The following GRK4 variants were observed in gnomAD, a reference collection of about 807,000 sequenced individuals.
GRK4 encodes G protein-coupled receptor kinase 2-like.
GRK4 carries 73 observed loss-of-function variants against 77.9 expected under a neutral mutation model. That is an observed-to-expected ratio of 0.94 (90% CI 0.78 to 1.14). GRK4 has a LOEUF of 1.14. Ranked by LOEUF, GRK4 falls within the 50% of genes most tolerant of loss-of-function variation. GRK4 has a pLI of 0.00. For synonymous variants in GRK4, 257 were observed against 254.4 expected, an observed-to-expected ratio of 1.01 and a Z score of -0.10; for missense variants, 729 against 700.2, an observed-to-expected ratio of 1.04 and a Z score of -0.46.
chr4:2,997,359 T>C (rs1394463398), intron 4 of GRK4, among the ~76,000 whole-genome samples: 3 of 152,162 alleles, frequency 2.0e-5, no homozygotes, highest in Non-Finnish European at 4.4e-5. Context: ...ATAGAAAAAG[T>C]ATTTGATAAA....
At chr4:2,992,432 C>T in intron 4 of GRK4, 140 bp downstream of exon 4, 1 of 558,346 alleles carries the variant, frequency 1.8e-6, no homozygotes, top group Non-Finnish European at 3.2e-6. Flanking sequence ...GTAATCCCAG[C>T]ACTTCGGGAG....
Position 3,013,835 on chromosome 4 carries a change from G to A in GRK4, c.741+7G>A. The A allele has an allele frequency of 6.2e-7, 1 of 1,605,052 alleles. No individual in the cohort carries two copies. Among genetic ancestry groups the A allele is most frequent in the Non-Finnish European group, 8.5e-7 (1 of 1,177,056 alleles). ...AGTGCAAAGTAGATTCGTAGTAAGTGTCTCCTCTTAGTCTTCACTGTGCAT... is the reference window on the plus strand; with the variant it reads ...AGTGCAAAGTAGATTCGTAGTAAGTATCTCCTCTTAGTCTTCACTGTGCAT... On this transcript the variant is annotated splice_region_variant and intron_variant, in intron 8 of 15. Coordinates refer to ENST00000398052, the MANE Select transcript of GRK4 (RefSeq NM_182982.3).
intron 1 of GRK4, among the ~76,000 whole-genome samples, chr4:2,973,140 G>A (rs555703598): frequency 6.6e-6 from 1 of 152,242 alleles, no homozygotes; most frequent in Non-Finnish European, 1.5e-5. Context: ...CCAGGCATCA[G>A]TTCTTGGTCC....
At chr4:2,984,749 G>A (rs894550886) in intron 2 of GRK4, 141 bp downstream of exon 2, 1 of 412,586 alleles carries the variant, frequency 2.4e-6, no homozygotes, top group Non-Finnish European at 4.4e-6. Flanking sequence ...TTCCTCTCAG[G>A]AAAAAAAATC....
chr4:3,036,652 C>T (rs913541804), intron 13 of GRK4, among the ~76,000 whole-genome samples: 1 of 152,232 alleles, frequency 6.6e-6, no homozygotes, highest in African/African-American at 2.4e-5. Context: ...TGACCCTCTG[C>T]CTCTGAGGAC....
At chr4:2,988,627 G>T in intron 2 of GRK4, 100 bp from the exon 3 acceptor site, 1 of 666,556 alleles carries the variant, frequency 1.5e-6, no homozygotes, top group Non-Finnish European at 2.7e-6. Context: ...TACTGTTCTT[G>T]ACTTTTACTG....
At chr4:2,979,321 C>T (rs1299223694) in intron 1 of GRK4, among the ~76,000 whole-genome samples, 2 of 148,616 alleles carry the variant, frequency 1.3e-5, no homozygotes, top group Non-Finnish European at 3.0e-5. Context: ...GGAGAATCAC[C>T]TGAACCCAGG....
chr4:3,004,288 C>A lies in GRK4; in HGVS notation c.397C>A (p.Leu133Met), dbSNP rs1730670416. 1 of 1,613,678 alleles carries A rather than the reference C, an allele frequency of 6.2e-7. No homozygotes were observed. The highest frequency in any genetic ancestry group is 1.3e-5 in the African/African-American group (1 of 74,898). Reference protein sequence around the residue: ...PDVVTECRLGLKEENPSKKAF... With the variant: ...PDVVTECRLGMKEENPSKKAF... ...TGTTGTGACAGAATGTAGATTGGGA[C>A]TGAAGGAGGAGAACCCTTCCAAAAA... is the stretch of plus-strand genomic sequence containing the variant. The change falls in exon 5 of 16, where the codon CTG (leucine) becomes ATG (methionine). Residue 133 changes from leucine (L) to methionine (M), a missense_variant. Transcript: ENST00000398052.
rs202029746 is a variant in GRK4, at chr4:2,984,622, G to T, written c.148+14G>T. ...GACATTCCATTGGTGAGTAAATAGT[G>T]CCTACTAATGCTTGGATGGTACATC... On this transcript the variant is annotated intron_variant, in intron 2 of 15. Transcript: ENST00000398052. 5 of 1,402,290 alleles carry T rather than the reference G, an allele frequency of 3.6e-6. No homozygotes were observed. The East Asian group carries it at 9.4e-5, about 26-fold the overall frequency. The allele number at this position is 1,402,290 out of a possible 1,614,324, so 86.9% of individuals were successfully genotyped here.
At chr4:3,007,159 G>A (rs1418831943) in intron 5 of GRK4, among the ~76,000 whole-genome samples, 1 of 152,010 alleles carries the variant, frequency 6.6e-6, no homozygotes, top group Non-Finnish European at 1.5e-5. Flanking sequence ...CCATGATTGT[G>A]CCATTGCACT....
intron 1 of GRK4, among the ~76,000 whole-genome samples, chr4:2,977,529 G>C (rs1349358103): frequency 1.3e-5 from 2 of 152,176 alleles, no homozygotes; most frequent in Admixed American, 1.3e-4. Flanking sequence ...TAAAATCTCT[G>C]TTGTTTGTGG....
At chr4:3,019,501 A>G (rs1431166984) in intron 8 of GRK4, 140 bp from the exon 9 acceptor site, 1 of 757,708 alleles carries the variant, frequency 1.3e-6, no homozygotes, top group Admixed American at 2.8e-5. Flanking sequence ...TATGTCCTGT[A>G]CATTTCTCTG....
intron 13 of GRK4, 68 bp from the exon 14 acceptor site, chr4:3,037,306 C>T (rs879850984): frequency 6.8e-7 from 1 of 1,466,728 alleles, no homozygotes; most frequent in South Asian, 1.4e-5. Flanking sequence ...GCGTTTCATT[C>T]TTGGGAACTG....
rs79252276 is a variant in GRK4 at position 2,965,406 on chromosome 4, G to A, written c.52+1284G>A. 8.5e-3 allele frequency: 5,976 copies of A among 703,054 alleles called. 36 individuals are homozygous for A. The highest frequency in any genetic ancestry group is 0.016 in the Middle Eastern group (71 of 4,370). 43.6% of individuals were successfully genotyped at this position (703,054 alleles called of 1,614,324 possible). A position where few individuals can be genotyped will look rare whatever the true frequency, so the allele number is the denominator to read the frequency against. ...GACCTCAAGTCCCTGTGCTAGCCAC[G>A]GTAGTTCTTCACACCCCGTCACTCT... On this transcript the variant is annotated intron_variant, in intron 1 of 15. Coordinates refer to ENST00000398052, the MANE Select transcript of GRK4 (RefSeq NM_182982.3).
chr4:2,996,178 G>A (rs2109732632), intron 4 of GRK4, among the ~76,000 whole-genome samples: 1 of 152,264 alleles, frequency 6.6e-6, no homozygotes, highest in African/African-American at 2.4e-5. Flanking sequence ...ACATGTCTGA[G>A]CATGTGGACA....
rs1716383213 is a variant in GRK4, at chr4:2,963,576, G to T, written c.-495G>T. 6.4e-6 allele frequency: 3 copies of T among 465,686 alleles called. No individual in the cohort carries two copies. Among genetic ancestry groups the T allele is most frequent in the South Asian group, 8.2e-5 (2 of 24,262 alleles). 28.8% of individuals were successfully genotyped at this position (465,686 alleles called of 1,614,324 possible). On this transcript the variant is annotated 5_prime_UTR_variant, in exon 1 of 16. Coordinates refer to ENST00000398052, the MANE Select transcript of GRK4 (RefSeq NM_182982.3). ...CGCAGGGCCTTCTGGGAGCTGTAGTGCCCCGGCCGCGGCGGCGAGGGGCGC... is the reference window on the plus strand; with the variant it reads ...CGCAGGGCCTTCTGGGAGCTGTAGTTCCCCGGCCGCGGCGGCGAGGGGCGC...
At chr4:2,981,961 C>T (rs1313100457) in intron 1 of GRK4, among the ~76,000 whole-genome samples, 1 of 152,254 alleles carries the variant, frequency 6.6e-6, no homozygotes, top group African/African-American at 2.4e-5. Context: ...CAGCACCGCC[C>T]CTATCGTGCA....
Position 3,004,230 on chromosome 4 carries a change from G to C in GRK4, c.340-1G>C. On this transcript the variant is annotated splice_acceptor_variant, in intron 4 of 15. Coordinates refer to ENST00000398052, the MANE Select transcript of GRK4 (RefSeq NM_182982.3). LOFTEE classifies it high-confidence loss of function. The stretch of plus-strand genomic sequence containing the variant: ...ATGTATTTGGTTTGTACTGTATTAA[G>C]TTGGCAGCCCCTTTACCAGAAATAC... 1.2e-6 allele frequency: 2 copies of C among 1,607,798 alleles called. No homozygotes were observed. Among genetic ancestry groups the C allele is most frequent in the Non-Finnish European group, 8.5e-7 (1 of 1,174,302 alleles).
chr4:3,029,116 G>A (rs1022030498), intron 11 of GRK4, 85 bp from the exon 12 acceptor site: 1 of 1,031,172 alleles, frequency 9.7e-7, no homozygotes, highest in Non-Finnish European at 1.5e-6. Context: ...CACACACGTT[G>A]AATGTATACT....
Sources: allele counts gnomAD v4.1 joint callset (sites outside exome capture counted in the v4.1 genomes callset), GRCh38; gene constraint gnomAD v4.1.1; transcripts MANE v1.5; gene names NCBI Gene and HGNC (gene_info 2026-07-23, HGNC 2026-07-21).